NRP2: variants seen among roughly 807,000 people sequenced by gnomAD.
NRP2 encodes neuropilin-2.
NRP2 carries 52 observed loss-of-function variants against 110.4 expected under a neutral mutation model. That is an observed-to-expected ratio of 0.47 (90% CI 0.38 to 0.59). The LOEUF (loss-of-function observed/expected upper bound fraction) is 0.59, where lower values mean the gene tolerates loss of function less well. NRP2 is among the 20% of genes least tolerant of loss of function. The pLI is 0.00. For missense variants in NRP2, 1,049 were observed against 1,203.0 expected, an observed-to-expected ratio of 0.87 and a Z score of 1.89; for synonymous variants, 508 against 468.9, an observed-to-expected ratio of 1.08 and a Z score of -1.08.
intron 10 of NRP2, among the ~76,000 whole-genome samples, chr2:205,748,988 T>C (rs752370041): frequency 6.6e-6 from 1 of 152,196 alleles, no homozygotes; most frequent in Non-Finnish European, 1.5e-5. Context: ...GTATAACATT[T>C]TTAATAAGTT....
intron 2 of NRP2, 169 bp downstream of exon 2, chr2:205,697,890 A>T (rs1407853047): frequency 2.7e-6 from 2 of 736,782 alleles, no homozygotes; most frequent in African/African-American, 1.7e-5. Flanking sequence ...TTCCAGGGAA[A>T]TAAAGGTGTG....
chr2:205,786,100 G>A (rs530826981), intron 15 of NRP2, among the ~76,000 whole-genome samples: 1 of 152,154 alleles, frequency 6.6e-6, no homozygotes, highest in Non-Finnish European at 1.5e-5. Flanking sequence ...AGGAGATTTG[G>A]CAAAGTTTAG....
intron 7 of NRP2, among the ~76,000 whole-genome samples, chr2:205,735,670 G>T (rs1260466554): frequency 9.4e-6 from 1 of 106,088 alleles, no homozygotes; most frequent in Non-Finnish European, 2.1e-5. Context: ...TTAATTGGCA[G>T]GTCCCCCACT....
chr2:205,694,780 C>A (rs1273099831), intron 1 of NRP2, among the ~76,000 whole-genome samples: 7 of 152,138 alleles, frequency 4.6e-5, no homozygotes, highest in Non-Finnish European at 4.4e-5. Context: ...AATGATGTGT[C>A]CCCAACCCTA....
chr2:205,745,953 C>A, intron 10 of NRP2, 63 bp downstream of exon 10: 1 of 1,595,596 alleles, frequency 6.3e-7, no homozygotes, highest in South Asian at 1.1e-5. Context: ...TGGCATCCCA[C>A]GAGGCCCTGG....
intron 15 of NRP2, among the ~76,000 whole-genome samples, chr2:205,790,669 G>GA (rs1559370764): frequency 6.7e-6 from 1 of 149,188 alleles, no homozygotes; most frequent in Non-Finnish European, 1.5e-5. Context: ...TTTTCATATG[G>GA]AAAAAAACCC....
intron 2 of NRP2, among the ~76,000 whole-genome samples, chr2:205,712,181 C>T (rs369994416): frequency 1.7e-4 from 26 of 152,120 alleles, no homozygotes; most frequent in South Asian, 4.2e-4. Flanking sequence ...AAAAGGCACT[C>T]GGGGAACCGT....
At position 205,722,680 on chromosome 2, in the gene NRP2, G is replaced by T. The variant is rs1234699401; in HGVS notation, c.636G>T (p.Trp212Cys). The T allele has an allele frequency of 6.2e-7, 1 of 1,614,166 alleles. No individual in the cohort carries two copies. Among genetic ancestry groups the T allele is most frequent in the Admixed American group, 1.7e-5 (1 of 60,032 alleles). Reference sequence around the variant, plus strand: ...GAGAGGGGGACTGCAAGTACGATTGGCTGGACATCTGGGATGGCATTCCAC... The same window carrying T: ...GAGAGGGGGACTGCAAGTACGATTGTCTGGACATCTGGGATGGCATTCCAC... ...QVGEGDCKYD[W>C]LDIWDGIPHV... The change falls in exon 4 of 17, where the codon TGG becomes TGT. Residue 212 changes from tryptophan (W) to cysteine (C), a missense_variant. Physicochemically the swap from Trp to Cys is radical, Grantham distance 215. Transcript: ENST00000357785.
chr2:205,792,241 T>A lies in NRP2; in HGVS notation c.2432T>A (p.Ile811Asn). The A allele has an allele frequency of 6.3e-7, 1 of 1,588,984 alleles. No individual in the cohort carries two copies. Among genetic ancestry groups the A allele is most frequent in the Non-Finnish European group, 8.6e-7 (1 of 1,157,140 alleles). Residue 811 changes from isoleucine (I) to asparagine (N), a missense_variant, in exon 16 of 17, where the codon ATC (isoleucine) becomes AAC (asparagine). Transcript: ENST00000357785. ...MEPISAFAVD[I>N]PEIHEREGYE... ...TATTTTCTTTATATTATAGTGGACA[T>A]CCCAGAAATACATGAGAGAGAAGGA...
Position 205,784,638 on chromosome 2 carries a change from C to T in NRP2, c.2426-7597C>T, listed in dbSNP as rs571029866. Among the ~76,000 whole-genome samples, 3 of 152,308 alleles carry T rather than the reference C, an allele frequency of 2.0e-5. No homozygotes were observed. The South Asian group carries it at 6.2e-4, about 32-fold the overall frequency. ...ATCACTGCTTTCTGGCTCTGCACCT[C>T]CTGATGTGGCTAGGGTCTCCACCTC... is the stretch of plus-strand genomic sequence containing the variant. On this transcript the variant is annotated intron_variant, in intron 15 of 16. Transcript: ENST00000357785.
At chr2:205,704,967 G>A (rs1362805904) in intron 2 of NRP2, among the ~76,000 whole-genome samples, 1 of 152,132 alleles carries the variant, frequency 6.6e-6, no homozygotes, top group Admixed American at 6.5e-5. Context: ...GTGTGGAGGG[G>A]ATAAAGAAGA....
Position 205,716,182 on chromosome 2 carries a change from T to A in NRP2, c.252-11T>A. 1 of 1,614,100 alleles carries A rather than the reference T, an allele frequency of 6.2e-7. No homozygotes were observed. The highest frequency in any genetic ancestry group is 8.5e-7 in the Non-Finnish European group (1 of 1,179,970). On this transcript the variant is annotated splice_polypyrimidine_tract_variant and intron_variant, in intron 2 of 16. Transcript: ENST00000357785. ...GAGTGATCTTTTCTTGTCTGTGCCA[T>A]CCCCACCCAGGTATGACTTTATCGA... is the stretch of plus-strand genomic sequence containing the variant.
At chr2:205,703,515 C>A (rs2056605524) in intron 2 of NRP2, among the ~76,000 whole-genome samples, 1 of 152,210 alleles carries the variant, frequency 6.6e-6, no homozygotes. Flanking sequence ...GGTTTTGAAG[C>A]CAGATACCCT....
At chr2:205,722,172 TACACACACACACAC>T (rs10646445) in intron 3 of NRP2, 30 of 280,176 alleles carry the variant, frequency 1.1e-4, no homozygotes, top group Non-Finnish European at 1.4e-4. Flanking sequence ...CTCTCTCTCA[TACACACACACACAC>T]ACACACACAC....
intron 7 of NRP2, among the ~76,000 whole-genome samples, chr2:205,735,079 G>A (rs1050974278): frequency 6.6e-5 from 10 of 152,168 alleles, no homozygotes; most frequent in Non-Finnish European, 1.5e-4. Context: ...ACAGCCAGCC[G>A]TGTCTCTCCT....
Position 205,726,027 on chromosome 2 carries a change from A to G in NRP2, c.935A>G (p.His312Arg). The G allele has an allele frequency of 6.2e-7, 1 of 1,614,208 alleles. No homozygotes were observed. Among genetic ancestry groups the G allele is most frequent in the Non-Finnish European group, 8.5e-7 (1 of 1,180,032 alleles). The change falls in exon 6 of 17, where the codon CAT becomes CGT. Residue 312 changes from histidine (H) to arginine (R), a missense_variant. Transcript: ENST00000357785. ...TGGACCCCTCAACAAAGCCGGCTCC[A>G]TGGTGATGACAATGGCTGGACCCCC... ...GRWTPQQSRLHGDDNGWTPNL... is the reference protein window; with the variant it reads ...GRWTPQQSRLRGDDNGWTPNL...
intron 1 of NRP2, among the ~76,000 whole-genome samples, chr2:205,696,489 G>T (rs931836288): frequency 6.6e-6 from 1 of 152,300 alleles, no homozygotes; most frequent in East Asian, 1.9e-4. Context: ...CCCAGCTTCT[G>T]TTCTACTGTG....
rs2057898299 is a variant in NRP2 at position 205,765,387 on chromosome 2, G to T, written c.2308-87G>T. 4 of 1,072,804 alleles carry T rather than the reference G, an allele frequency of 3.7e-6. No individual in the cohort carries two copies. In the African/African-American group the frequency reaches 6.2e-5, roughly 17 times the overall value. The allele number at this position is 1,072,804 out of a possible 1,614,324, so 66.5% of individuals were successfully genotyped here. A position where few individuals can be genotyped will look rare whatever the true frequency, so the allele number is the denominator to read the frequency against. ...ACACACATACACACACACGCTTTAAGCTGCAGCTAACAGAAACTTGGAAAT... is the reference window on the plus strand; with the variant it reads ...ACACACATACACACACACGCTTTAATCTGCAGCTAACAGAAACTTGGAAAT... On this transcript the variant is annotated intron_variant, in intron 13 of 16. Transcript: ENST00000357785.
chr2:205,722,172 TACACAC>T lies in NRP2; in HGVS notation c.434-271_434-266del, dbSNP rs10646445. The T allele has an allele frequency of 3.6e-3, 999 of 277,600 alleles. 4 individuals carry two copies. Among genetic ancestry groups the T allele is most frequent in the Middle Eastern group, 8.8e-3 (7 of 794 alleles). 17.2% of individuals were successfully genotyped at this position (277,600 alleles called of 1,614,324 possible). On this transcript the variant is annotated intron_variant, in intron 3 of 16. Transcript: ENST00000357785. ...TCTCTCTCTCTCTCTCTCTCTCTCA[TACACAC>T]ACACACACACACACACACACACACA...
Sources: allele counts gnomAD v4.1 joint callset (sites outside exome capture counted in the v4.1 genomes callset), GRCh38; gene constraint gnomAD v4.1.1; transcripts MANE v1.5; gene names NCBI Gene and HGNC (gene_info 2026-07-23, HGNC 2026-07-21).